The following CHST9 variants were observed in gnomAD, a reference collection of about 807,000 sequenced individuals.
CHST9 encodes GalNAc-4-sulfotransferase 2.
CHST9 carries 41 observed loss-of-function variants against 44.4 expected under a neutral mutation model. That is an observed-to-expected ratio of 0.92 (90% CI 0.72 to 1.20). The LOEUF (loss-of-function observed/expected upper bound fraction) is 1.20, where lower values mean the gene tolerates loss of function less well. Ranked by LOEUF, CHST9 falls within the 50% of genes most tolerant of loss-of-function variation. The pLI is 0.00. For synonymous variants in CHST9, 171 were observed against 178.4 expected (o/e 0.96, Z 0.33); for missense variants, 504 against 516.5 (o/e 0.98, Z 0.23).
chr18:27,178,050 C>T (rs1302200711), intron 1 of CHST9, among the ~76,000 whole-genome samples: 4 of 152,016 alleles, frequency 2.6e-5, no homozygotes, highest in East Asian at 3.9e-4. Flanking sequence ...CAAAAGTAGA[C>T]CGAATAAAGT....
chr18:27,133,589 T>C (rs1045203613), intron 2 of CHST9, among the ~76,000 whole-genome samples: 2 of 152,142 alleles, frequency 1.3e-5, no homozygotes, highest in East Asian at 3.9e-4. Flanking sequence ...AAAATACAAG[T>C]TTCCTGCCCT....
chr18:27,048,375 G>C, intron 3 of CHST9, 90 bp downstream of exon 3: 1 of 927,876 alleles, frequency 1.1e-6, no homozygotes, highest in South Asian at 1.5e-5. Flanking sequence ...ATTAATTTTA[G>C]TGTGAATTTT....
chr18:27,017,041 C>A (rs920393505), intron 4 of CHST9, among the ~76,000 whole-genome samples: 2 of 152,176 alleles, frequency 1.3e-5, no homozygotes, highest in African/African-American at 4.8e-5. Context: ...CATTATCATA[C>A]ATGGGACATT....
intron 2 of CHST9, among the ~76,000 whole-genome samples, chr18:27,082,021 T>C (rs1180965586): frequency 6.6e-6 from 1 of 152,158 alleles, no homozygotes; most frequent in Non-Finnish European, 1.5e-5. Flanking sequence ...ACTAAATGTT[T>C]CCCCTGAGGG....
rs192330627 is a variant in CHST9 at position 27,067,465 on chromosome 18, T to A, written c.122-18962A>T. Among the ~76,000 whole-genome samples the A allele has an allele frequency of 9.2e-5, 14 of 152,036 alleles. No homozygotes were observed. In the East Asian group the frequency reaches 2.5e-3, roughly 27 times the overall value. ...AAAAGAAAAAAGTAAAATAAATAAA[T>A]AAATAAATAAAGGGCTTTCCTGTAA... On this transcript the variant is annotated intron_variant, in intron 2 of 5. Coordinates refer to ENST00000618847, the MANE Select transcript of CHST9 (RefSeq NM_031422.6).
At chr18:26,942,334 G>C (rs760812850) in intron 5 of CHST9, among the ~76,000 whole-genome samples, 1 of 152,136 alleles carries the variant, frequency 6.6e-6, no homozygotes, top group Non-Finnish European at 1.5e-5. Context: ...AGAAATATAA[G>C]CAATGATTGA....
At chr18:27,045,210 C>T (rs2057486203) in intron 3 of CHST9, among the ~76,000 whole-genome samples, 1 of 151,928 alleles carries the variant, frequency 6.6e-6, no homozygotes, top group Non-Finnish European at 1.5e-5. Context: ...TTCCATTATA[C>T]TTAACTGAAT....
intron 1 of CHST9, among the ~76,000 whole-genome samples, chr18:27,165,785 C>T (rs995919709): frequency 1.3e-5 from 2 of 152,154 alleles, no homozygotes; most frequent in Non-Finnish European, 2.9e-5. Context: ...ACCTAAGTAA[C>T]TTAGTGCTAC....
intron 1 of CHST9, among the ~76,000 whole-genome samples, chr18:27,161,799 G>A (rs2058749305): frequency 6.6e-6 from 1 of 152,104 alleles, no homozygotes; most frequent in Admixed American, 6.5e-5. Flanking sequence ...CTCCTGTATT[G>A]TGTGCATATA....
intron 4 of CHST9, among the ~76,000 whole-genome samples, chr18:27,018,490 GAGA>G (rs1411383972): frequency 6.6e-6 from 1 of 152,114 alleles, no homozygotes; most frequent in Non-Finnish European, 1.5e-5. Flanking sequence ...TTATACATGT[GAGA>G]AGGACAGCCC....
intron 2 of CHST9, among the ~76,000 whole-genome samples, chr18:27,051,613 G>T (rs188983546): frequency 6.6e-6 from 1 of 152,248 alleles, no homozygotes; most frequent in Admixed American, 6.5e-5. Context: ...AACTTGCTAG[G>T]CACATGAGCA....
At chr18:27,048,617 T>C in intron 2 of CHST9, 114 bp from the exon 3 acceptor site, 1 of 759,680 alleles carries the variant, frequency 1.3e-6, no homozygotes. Context: ...TTCAGCCATG[T>C]CCAGTGTGCT....
intron 1 of CHST9, among the ~76,000 whole-genome samples, chr18:27,156,912 T>C (rs568113327): frequency 8.2e-4 from 125 of 152,210 alleles, no homozygotes; most frequent in African/African-American, 2.3e-3. Context: ...TATTAAACAG[T>C]GTCTAGATAT....
intron 1 of CHST9, among the ~76,000 whole-genome samples, chr18:27,149,599 C>T (rs1452014303): frequency 2.1e-5 from 3 of 142,926 alleles, no homozygotes; most frequent in African/African-American, 5.1e-5. Context: ...CTATTTTCAG[C>T]TTTTTTTTTT....
intron 2 of CHST9, among the ~76,000 whole-genome samples, chr18:27,106,712 C>T (rs748238493): frequency 6.6e-6 from 1 of 152,158 alleles, no homozygotes; most frequent in Non-Finnish European, 1.5e-5. Context: ...CATCCTTTTA[C>T]TTTGCAATGC....
intron 4 of CHST9, among the ~76,000 whole-genome samples, chr18:26,998,752 A>AAAAAG (rs2056915952): frequency 6.6e-6 from 1 of 151,722 alleles, no homozygotes. Context: ...AAAAAAAAAA[A>AAAAAG]AAAGAAAGAA....
chr18:27,070,243 C>A (rs2057824313), intron 2 of CHST9, among the ~76,000 whole-genome samples: 1 of 152,140 alleles, frequency 6.6e-6, no homozygotes, highest in Admixed American at 6.5e-5. Context: ...ATGCACTGGG[C>A]TTGGGTCAGC....
intron 4 of CHST9, among the ~76,000 whole-genome samples, chr18:27,001,117 C>G (rs1441466992): frequency 6.6e-6 from 1 of 152,108 alleles, no homozygotes; most frequent in Non-Finnish European, 1.5e-5. Context: ...AAAAACTTTA[C>G]AGGGAGAGTA....
intron 4 of CHST9, among the ~76,000 whole-genome samples, chr18:26,947,387 A>G (rs1056033624): frequency 6.6e-6 from 1 of 152,194 alleles, no homozygotes; most frequent in African/African-American, 2.4e-5. Flanking sequence ...ATGGCAAAAA[A>G]AGCCAAAATT....
Sources: allele counts gnomAD v4.1 joint callset (sites outside exome capture counted in the v4.1 genomes callset), GRCh38; gene constraint gnomAD v4.1.1; transcripts MANE v1.5; gene names NCBI Gene and HGNC (gene_info 2026-07-23, HGNC 2026-07-21).